RALGPS1: variants seen among roughly 807,000 people sequenced by gnomAD.
RALGPS1 encodes the protein ras-specific guanine nucleotide-releasing factor RalGPS1.
RALGPS1 carries 19 observed loss-of-function variants against 78.8 expected under a neutral mutation model. That is an observed-to-expected ratio of 0.24 (90% CI 0.17 to 0.35). The LOEUF is 0.35. Among genes scored for constraint, RALGPS1 ranks in the 10% least tolerant of loss-of-function variants. The probability of loss-of-function intolerance (pLI) is 1.00; values close to 1 mark genes in which losing one functional copy is unlikely to be tolerated. For missense variants in RALGPS1, 454 were observed against 688.3 expected (o/e 0.66, Z 3.81); for synonymous variants, 228 against 256.3 (o/e 0.89, Z 1.06).
chr9:127,161,419 A>T (rs1358655151), intron 8 of RALGPS1, among the ~76,000 whole-genome samples: 1 of 152,242 alleles, frequency 6.6e-6, no homozygotes, highest in Non-Finnish European at 1.5e-5. Flanking sequence ...GGCTTGCCTA[A>T]GGCCACCCAG....
intron 4 of RALGPS1, among the ~76,000 whole-genome samples, chr9:127,000,062 C>T (rs1323069891): frequency 2.6e-5 from 4 of 152,190 alleles, no homozygotes; most frequent in Admixed American, 2.0e-4. Context: ...GTCCCCTGCT[C>T]TCATTCCTCA....
chr9:127,210,135 C>T (rs947108501), intron 14 of RALGPS1, among the ~76,000 whole-genome samples: 2 of 152,198 alleles, frequency 1.3e-5, no homozygotes, highest in East Asian at 1.9e-4. Flanking sequence ...GGGCCGCCCA[C>T]GGAGCAAGCT....
chr9:126,946,624 C>T (rs1315878761), intron 1 of RALGPS1, among the ~76,000 whole-genome samples: 1 of 151,354 alleles, frequency 6.6e-6, no homozygotes, highest in Non-Finnish European at 1.5e-5. Flanking sequence ...CTACTGTGCA[C>T]TGTGATTCCG....
At chr9:127,179,293 G>T (rs1188256085) in intron 11 of RALGPS1, among the ~76,000 whole-genome samples, 1 of 152,242 alleles carries the variant, frequency 6.6e-6, no homozygotes, top group Non-Finnish European at 1.5e-5. Context: ...CCCACTAGCA[G>T]CCTCAGAAGA....
At chr9:127,016,203 C>G (rs190874236) in intron 4 of RALGPS1, among the ~76,000 whole-genome samples, 2 of 152,298 alleles carry the variant, frequency 1.3e-5, no homozygotes, top group Admixed American at 1.3e-4. Context: ...CCCACCCCTT[C>G]CTGACTGTCT....
intron 8 of RALGPS1, among the ~76,000 whole-genome samples, chr9:127,095,465 G>A (rs774429897): frequency 6.6e-6 from 1 of 152,232 alleles, no homozygotes; most frequent in East Asian, 1.9e-4. Flanking sequence ...TGCTAAGAAA[G>A]TACCATTGTA....
intron 8 of RALGPS1, among the ~76,000 whole-genome samples, chr9:127,149,590 T>C (rs1360146985): frequency 6.6e-6 from 1 of 152,236 alleles, no homozygotes; most frequent in African/African-American, 2.4e-5. Flanking sequence ...CCTGTGTGCC[T>C]ACCCTCCAGG....
At chr9:126,971,041 A>G (rs1349695569) in intron 3 of RALGPS1, among the ~76,000 whole-genome samples, 2 of 152,206 alleles carry the variant, frequency 1.3e-5, no homozygotes, top group African/African-American at 4.8e-5. Flanking sequence ...ATGAAGATTG[A>G]ACTAGAAGGA....
At chr9:126,924,061 A>G (rs2035030362) in intron 1 of RALGPS1, among the ~76,000 whole-genome samples, 1 of 152,146 alleles carries the variant, frequency 6.6e-6, no homozygotes, top group South Asian at 2.1e-4. Flanking sequence ...CACTTTCCAG[A>G]TGAGGATGGA....
intron 1 of RALGPS1, among the ~76,000 whole-genome samples, chr9:126,950,900 A>G (rs1260778449): frequency 6.6e-6 from 1 of 152,066 alleles, no homozygotes; most frequent in Non-Finnish European, 1.5e-5. Flanking sequence ...GAAAGGATCA[A>G]CAAAATTGAT....
intron 11 of RALGPS1, among the ~76,000 whole-genome samples, chr9:127,185,724 G>A (rs1168146433): frequency 6.6e-6 from 1 of 152,116 alleles, no homozygotes; most frequent in African/African-American, 2.4e-5. Flanking sequence ...AAAAGTAGAT[G>A]TCTCTCCTGG....
At chr9:127,217,518 C>A in intron 18 of RALGPS1, 1 of 745,688 alleles carries the variant, frequency 1.3e-6, no homozygotes, top group Non-Finnish European at 1.6e-6. Context: ...TTTTTATTAA[C>A]ACTGAATACA....
intron 8 of RALGPS1, among the ~76,000 whole-genome samples, chr9:127,084,708 T>G (rs1012706156): frequency 1.1e-4 from 17 of 152,356 alleles, no homozygotes; most frequent in African/African-American, 4.1e-4. Context: ...AGGACCTTCT[T>G]TCTATACTTC....
At chr9:127,198,740 G>T (rs2061466421) in intron 13 of RALGPS1, among the ~76,000 whole-genome samples, 1 of 152,160 alleles carries the variant, frequency 6.6e-6, no homozygotes, top group Admixed American at 6.5e-5. Context: ...GAAAGCCTGA[G>T]GACCCAGACC....
chr9:127,004,083 G>A (rs866332741), intron 4 of RALGPS1, among the ~76,000 whole-genome samples: 4 of 152,074 alleles, frequency 2.6e-5, no homozygotes, highest in South Asian at 2.1e-4. Flanking sequence ...TTACTTTGCC[G>A]TAGACAGAGT....
chr9:127,107,745 C>T (rs2054358225), intron 8 of RALGPS1, among the ~76,000 whole-genome samples: 2 of 152,194 alleles, frequency 1.3e-5, no homozygotes, highest in Admixed American at 6.5e-5. Context: ...CCCTGCCACC[C>T]GTCACCCTGC....
At chr9:127,123,482 C>T (rs757557845) in intron 8 of RALGPS1, among the ~76,000 whole-genome samples, 28 of 152,190 alleles carry the variant, frequency 1.8e-4, no homozygotes, top group Admixed American at 6.5e-4. Context: ...GTGTCAAGGA[C>T]GCCTCCTTGA....
chr9:126,935,295 C>T (rs1034267455), intron 1 of RALGPS1, among the ~76,000 whole-genome samples: 17 of 152,144 alleles, frequency 1.1e-4, no homozygotes, highest in African/African-American at 3.4e-4. Context: ...GCTCAATAAA[C>T]GTTACAAGAC....
chr9:127,046,901 A>AAAAC (rs911650523), intron 5 of RALGPS1, among the ~76,000 whole-genome samples: 3 of 152,166 alleles, frequency 2.0e-5, no homozygotes, highest in African/African-American at 4.8e-5. Context: ...GAAAAAAAGC[A>AAAAC]AAACAAACAA....
Sources: gnomAD v4.1 joint callset for allele counts (sites outside exome capture counted in the v4.1 genomes callset) on GRCh38, gnomAD v4.1.1 for gene constraint, MANE v1.5 for transcripts, NCBI Gene and HGNC (gene_info 2026-07-23, HGNC 2026-07-21) for gene names.